The following EEFSEC variants were observed in gnomAD, a reference collection of about 807,000 sequenced individuals.
The protein encoded by EEFSEC is eukaryotic elongation factor, selenocysteine-tRNA specific, also known as selenocysteine-specific elongation factor.
In EEFSEC, 43 loss-of-function variants were observed where a neutral mutation model predicts 42.1. The observed-to-expected ratio is 1.02, with a 90% CI of 0.80 to 1.32. The LOEUF is 1.32. Among genes scored for constraint, EEFSEC ranks in the 40% most tolerant of loss-of-function variants. The probability of loss-of-function intolerance (pLI) is 0.00; values close to 1 mark genes in which losing one functional copy is unlikely to be tolerated. For synonymous variants in EEFSEC, 354 were observed against 339.1 expected (o/e 1.04, Z -0.48); for missense variants, 745 against 803.6 (o/e 0.93, Z 0.88).
rs146875741 is a variant in EEFSEC, at chr3:128,155,735, A to G, written c.316+1912A>G. ...TCACTGGGCATTCTGGGTCCCAGCT[A>G]TAATGGTGAGCTTGTTAAGTACAGT... On this transcript the variant is annotated intron_variant, in intron 1 of 6. Transcript: ENST00000254730. Among the ~76,000 whole-genome samples, 835 of 152,358 alleles carry G rather than the reference A, an allele frequency of 5.5e-3. 4 individuals carry two copies. Among genetic ancestry groups the G allele is most frequent in the Non-Finnish European group, 8.9e-3 (604 of 68,028 alleles).
intron 1 of EEFSEC, among the ~76,000 whole-genome samples, chr3:128,155,597 T>G (rs967020011): frequency 6.6e-6 from 1 of 152,230 alleles, no homozygotes; most frequent in Non-Finnish European, 1.5e-5. Context: ...AGTACCTGAT[T>G]ACCTTTCTGT....
chr3:128,399,405 A>C (rs1353823684), intron 6 of EEFSEC, among the ~76,000 whole-genome samples: 1 of 152,236 alleles, frequency 6.6e-6, no homozygotes, highest in Non-Finnish European at 1.5e-5. Context: ...AGAGCCTCGG[A>C]AAGAGCGAGG....
intron 1 of EEFSEC, among the ~76,000 whole-genome samples, chr3:128,165,605 G>A (rs2065236197): frequency 6.6e-6 from 1 of 152,190 alleles, no homozygotes; most frequent in East Asian, 1.9e-4. Context: ...CTTGTGTTGT[G>A]ATGATTCCTC....
intron 4 of EEFSEC, 94 bp downstream of exon 4, chr3:128,264,875 G>C: frequency 7.0e-7 from 1 of 1,432,958 alleles, no homozygotes; most frequent in Middle Eastern, 2.0e-4. Flanking sequence ...GCCTGCTGCT[G>C]TGCCTGCCCT....
intron 4 of EEFSEC, among the ~76,000 whole-genome samples, chr3:128,274,943 A>C (rs763031172): frequency 3.3e-5 from 5 of 152,192 alleles, no homozygotes; most frequent in African/African-American, 4.8e-5. Flanking sequence ...TTTCAAGGGG[A>C]AACTGTGACT....
chr3:128,308,646 C>A (rs1049032600), intron 4 of EEFSEC, among the ~76,000 whole-genome samples: 2 of 152,200 alleles, frequency 1.3e-5, no homozygotes, highest in African/African-American at 4.8e-5. Flanking sequence ...TGAAGAATCC[C>A]CACAAATACA....
At position 128,193,713 on chromosome 3, in the gene EEFSEC, G is replaced by C. The variant is rs373776832; in HGVS notation, c.316+39890G>C. Among the ~76,000 whole-genome samples the C allele has an allele frequency of 6.6e-5, 10 of 152,276 alleles. No individual in the cohort carries two copies. In the South Asian group the frequency reaches 2.1e-3, roughly 32 times the overall value. On this transcript the variant is annotated intron_variant, in intron 1 of 6. Transcript: ENST00000254730. ...CATTACTGAGCCTCAGCAATGGCAA[G>C]TGACTTGCCTAGGATCACACACTAA...
chr3:128,248,525 A>G (rs2066151231), intron 2 of EEFSEC, among the ~76,000 whole-genome samples: 2 of 152,262 alleles, frequency 1.3e-5, no homozygotes, highest in South Asian at 4.1e-4. Context: ...TAAGTGTTGC[A>G]TAAGAATTCA....
At chr3:128,257,396 A>T (rs1337344316) in intron 2 of EEFSEC, among the ~76,000 whole-genome samples, 3 of 152,128 alleles carry the variant, frequency 2.0e-5, no homozygotes, top group Non-Finnish European at 4.4e-5. Flanking sequence ...ACTTGCTGGG[A>T]TATGTTCTGC....
chr3:128,191,815 T>C (rs1228617918), intron 1 of EEFSEC, among the ~76,000 whole-genome samples: 1 of 152,238 alleles, frequency 6.6e-6, no homozygotes, highest in Non-Finnish European at 1.5e-5. Flanking sequence ...AAAGATAATA[T>C]TCCAGCATAT....
chr3:128,404,827 G>A (rs757824638), intron 6 of EEFSEC, among the ~76,000 whole-genome samples: 4 of 152,142 alleles, frequency 2.6e-5, no homozygotes, highest in South Asian at 2.1e-4. Context: ...TCAGGCAGGC[G>A]TGCAAGGGCC....
intron 6 of EEFSEC, among the ~76,000 whole-genome samples, chr3:128,397,736 C>G (rs1052811971): frequency 2.6e-5 from 4 of 152,260 alleles, no homozygotes; most frequent in Non-Finnish European, 5.9e-5. Flanking sequence ...CTCTACTCAT[C>G]AAGTGCATGT....
intron 4 of EEFSEC, among the ~76,000 whole-genome samples, chr3:128,313,330 T>G (rs1270184927): frequency 6.6e-6 from 1 of 152,228 alleles, no homozygotes; most frequent in African/African-American, 2.4e-5. Flanking sequence ...AAGGAAGGGT[T>G]TATCCTCCTG....
intron 4 of EEFSEC, among the ~76,000 whole-genome samples, chr3:128,335,106 G>T (rs894159406): frequency 6.6e-6 from 1 of 152,248 alleles, no homozygotes; most frequent in Admixed American, 6.5e-5. Context: ...CCAAAAGAGG[G>T]CCCATGTGGC....
intron 5 of EEFSEC, among the ~76,000 whole-genome samples, chr3:128,352,554 G>C (rs1344528990): frequency 6.6e-6 from 1 of 152,232 alleles, no homozygotes; most frequent in African/African-American, 2.4e-5. Flanking sequence ...CTGGTTCTGA[G>C]GCCGGCAGTC....
Position 128,187,895 on chromosome 3 carries a change from G to A in EEFSEC, c.316+34072G>A, listed in dbSNP as rs184672673. On this transcript the variant is annotated intron_variant, in intron 1 of 6. Transcript: ENST00000254730. ...GGCATTGACTGCAGGGAGCCTAGAA[G>A]TATGAAGGATTTGGAGGGTTTGGAC... Among the ~76,000 whole-genome samples the A allele has an allele frequency of 3.3e-3, 505 of 152,340 alleles. 3 individuals carry two copies. Among genetic ancestry groups the A allele is most frequent in the Non-Finnish European group, 4.4e-3 (301 of 68,034 alleles).
chr3:128,345,207 A>G (rs1440824333), intron 5 of EEFSEC, among the ~76,000 whole-genome samples: 1 of 152,256 alleles, frequency 6.6e-6, no homozygotes, highest in Non-Finnish European at 1.5e-5. Context: ...TTCTGAGATC[A>G]GTGCTTGTCT....
chr3:128,401,777 C>T (rs1012057719), intron 6 of EEFSEC, among the ~76,000 whole-genome samples: 32 of 152,250 alleles, frequency 2.1e-4, no homozygotes, highest in Non-Finnish European at 2.8e-4. Flanking sequence ...GGCTGGAGGA[C>T]GGTGGATTCC....
At chr3:128,333,917 G>A (rs2067161481) in intron 4 of EEFSEC, among the ~76,000 whole-genome samples, 1 of 152,234 alleles carries the variant, frequency 6.6e-6, no homozygotes, top group African/African-American at 2.4e-5. Flanking sequence ...TCGGGCCTGG[G>A]AGCAGTCAGA....
Sources: allele counts gnomAD v4.1 joint callset (sites outside exome capture counted in the v4.1 genomes callset), GRCh38; gene constraint gnomAD v4.1.1; transcripts MANE v1.5; gene names NCBI Gene and HGNC (gene_info 2026-07-23, HGNC 2026-07-21).